The following HEATR4 variants were observed in gnomAD, a reference collection of about 807,000 sequenced individuals.
HEATR4 encodes the protein HEAT repeat containing 4.
In HEATR4, 95 loss-of-function variants were observed where a neutral mutation model predicts 108.8. That is an observed-to-expected ratio of 0.87 (90% confidence interval 0.74 to 1.04). The LOEUF (loss-of-function observed/expected upper bound fraction) is 1.04. HEATR4 is among the 50% of genes least tolerant of loss of function. The pLI is 0.00. For missense variants in HEATR4, 1,152 were observed against 1,253.8 expected (o/e 0.92, Z 1.23); for synonymous variants, 443 against 459.4 (o/e 0.96, Z 0.46).
At chr14:73,619,252 G>T in the HEATR4 span, 6 of 1,590,130 alleles carry the variant, frequency 3.8e-6, no homozygotes, top group Admixed American at 1.1e-4. Flanking sequence ...TCCTAGTATT[G>T]CGCTTCTTGG....
intron 5 of HEATR4, among the ~76,000 whole-genome samples, chr14:73,516,838 A>G (rs1175128260): frequency 6.6e-6 from 1 of 152,196 alleles, no homozygotes; most frequent in Non-Finnish European, 1.5e-5. Context: ...CCTTTATGAT[A>G]ATCTAATGCC....
At chr14:73,504,416 T>G (rs535273354) in intron 10 of HEATR4, among the ~76,000 whole-genome samples, 11 of 151,990 alleles carry the variant, frequency 7.2e-5, no homozygotes, top group South Asian at 4.1e-4. Flanking sequence ...CTAATTTTTT[T>G]TATTTTTAGT....
At chr14:73,506,961 C>T (rs1021093946) in intron 9 of HEATR4, among the ~76,000 whole-genome samples, 2 of 151,852 alleles carry the variant, frequency 1.3e-5, no homozygotes, top group East Asian at 1.9e-4. Flanking sequence ...CCACCACGCC[C>T]GGTTAATTTT....
At chr14:73,589,144 T>A in the HEATR4 span, among the ~76,000 whole-genome samples, 1 of 152,160 alleles carries the variant, frequency 6.6e-6, no homozygotes, top group Non-Finnish European at 1.5e-5. Flanking sequence ...ACATCTACAG[T>A]TTTGGACAAA....
At chr14:73,490,792 C>T (rs1483627766) in intron 17 of HEATR4, among the ~76,000 whole-genome samples, 1 of 150,092 alleles carries the variant, frequency 6.7e-6, no homozygotes, top group African/African-American at 2.5e-5. Flanking sequence ...AGTGTAGATT[C>T]CTTGTTTGTT....
intron 2 of HEATR4, among the ~76,000 whole-genome samples, chr14:73,524,992 T>C (rs1457822988): frequency 6.6e-6 from 1 of 152,132 alleles, no homozygotes; most frequent in Middle Eastern, 3.2e-3. Context: ...TATTTCTTTC[T>C]GTTAAGGGCA....
At chr14:73,529,261 A>G (rs1888549733) in intron 2 of HEATR4, 1 of 149,890 alleles carries the variant, frequency 6.7e-6, no homozygotes, top group East Asian at 2.0e-4. Context: ...AGGCTAAGAC[A>G]GGAGAATTGC....
Position 73,522,252 on chromosome 14 carries a change from T to G in HEATR4, c.881+20A>C. On this transcript the variant is annotated intron_variant, in intron 3 of 17. Coordinates refer to ENST00000553558, the MANE Select transcript of HEATR4 (RefSeq NM_001220484.1). Reference sequence around the variant, plus strand: ...AGTCAGGGATTATCAAAGGTGCACTTGAGGCCCTGGCCAGTATACCTGTAG... The same window carrying G: ...AGTCAGGGATTATCAAAGGTGCACTGGAGGCCCTGGCCAGTATACCTGTAG... The G allele has an allele frequency of 5.0e-6, 8 of 1,604,796 alleles. No individual in the cohort carries two copies. Among genetic ancestry groups the G allele is most frequent in the Non-Finnish European group, 6.8e-6 (8 of 1,174,460 alleles).
the HEATR4 span, among the ~76,000 whole-genome samples, chr14:73,597,405 G>A: frequency 6.6e-6 from 1 of 151,712 alleles, no homozygotes; most frequent in Admixed American, 6.6e-5. Flanking sequence ...ATTTATTTGA[G>A]ACAGAGTCTT....
At chr14:73,585,847 G>A in the HEATR4 span, among the ~76,000 whole-genome samples, 1 of 130,284 alleles carries the variant, frequency 7.7e-6, no homozygotes, top group African/African-American at 3.0e-5. Flanking sequence ...TGAGATAAGA[G>A]TCTTGCTCTG....
At chr14:73,613,001 G>C in the HEATR4 span, 6 of 994,292 alleles carry the variant, frequency 6.0e-6, no homozygotes, top group Middle Eastern at 6.5e-4. Flanking sequence ...CGCGGGCCCG[G>C]TGCGCGCCGC....
Position 73,492,779 on chromosome 14 carries a change from T to A in HEATR4, c.2844+287A>T. Reference sequence around the variant, plus strand: ...GGAAGAACCCAAGTGCTTGGAAATATACCCCCAGCAAGCTGATGCCATGGA... The same window carrying A: ...GGAAGAACCCAAGTGCTTGGAAATAAACCCCCAGCAAGCTGATGCCATGGA... On this transcript the variant is annotated intron_variant, in intron 17 of 17. Transcript: ENST00000553558. The surrounding 1 kb of genome is among the most constrained non-coding windows in gnomAD (Gnocchi z 4.9). The A allele has an allele frequency of 6.2e-7, 1 of 1,613,936 alleles. No homozygotes were observed. Among genetic ancestry groups the A allele is most frequent in the Non-Finnish European group, 8.5e-7 (1 of 1,179,874 alleles).
intron 17 of HEATR4, chr14:73,491,065 G>A (rs752379440): frequency 7.5e-6 from 12 of 1,593,898 alleles, no homozygotes; most frequent in African/African-American, 1.4e-5. Context: ...GCGGGCGGCC[G>A]AAGCGCCGGC....
intron 2 of HEATR4, among the ~76,000 whole-genome samples, chr14:73,526,348 A>T (rs1399173288): frequency 6.6e-6 from 1 of 152,192 alleles, no homozygotes; most frequent in Admixed American, 6.5e-5. Flanking sequence ...CTGAATACAT[A>T]TGAGTGACAG....
upstream of HEATR4, among the ~76,000 whole-genome samples, chr14:73,562,711 G>A (rs1363384385): frequency 6.6e-6 from 1 of 151,996 alleles, no homozygotes; most frequent in African/African-American, 2.4e-5. Flanking sequence ...GTGCCGTTGA[G>A]ATAAGGACTG....
chr14:73,625,294 A>G, the HEATR4 span, among the ~76,000 whole-genome samples: 1 of 151,920 alleles, frequency 6.6e-6, no homozygotes, highest in South Asian at 2.1e-4. Flanking sequence ...TCTTGACCTC[A>G]TGATCCACCC....
At chr14:73,592,430 C>A in the HEATR4 span, 1 of 1,497,286 alleles carries the variant, frequency 6.7e-7, no homozygotes, top group Non-Finnish European at 8.8e-7. Flanking sequence ...AGCCAGGCTG[C>A]TGGCGGGTGG....
the HEATR4 span, among the ~76,000 whole-genome samples, chr14:73,576,058 CAGG>C: frequency 6.6e-6 from 1 of 151,888 alleles, no homozygotes; most frequent in African/African-American, 2.4e-5. Flanking sequence ...GAGGCTGAGG[CAGG>C]AGAATTGCTT....
At chr14:73,595,791 G>C in the HEATR4 span, 82 of 1,124,702 alleles carry the variant, frequency 7.3e-5, no homozygotes, top group Middle Eastern at 6.5e-4. Flanking sequence ...TAACTTTGTT[G>C]AATAAGCTTT....
Sources: gnomAD v4.1 joint callset for allele counts (sites outside exome capture counted in the v4.1 genomes callset) on GRCh38, gnomAD v4.1.1 for gene constraint, Gnocchi (gnomAD v3.1) non-coding constraint, MANE v1.5 for transcripts, NCBI Gene and HGNC (gene_info 2026-07-23, HGNC 2026-07-21) for gene names.